CERS6: variants seen among roughly 807,000 people sequenced by gnomAD.
The protein encoded by CERS6 is LAG1 homolog, ceramide synthase 6.
In CERS6, 26 loss-of-function variants were observed where a neutral mutation model predicts 56.8. The ratio of observed to expected loss-of-function variants is 0.46; its 90% CI spans 0.34 to 0.63. The LOEUF is 0.63. Ranked by LOEUF, CERS6 falls within the 30% of genes least tolerant of loss-of-function variation. CERS6 has a pLI of 0.01. For missense variants in CERS6, 415 were observed against 467.5 expected, an observed-to-expected ratio of 0.89 and a Z score of 1.04; for synonymous variants, 164 against 173.3, an observed-to-expected ratio of 0.95 and a Z score of 0.42.
chr2:168,494,926 C>T (rs759180729), intron 1 of CERS6, among the ~76,000 whole-genome samples: 3 of 152,104 alleles, frequency 2.0e-5, no homozygotes, highest in Non-Finnish European at 4.4e-5. Flanking sequence ...GAATGAATCT[C>T]TGGGTTGGCT....
At chr2:168,539,617 A>G (rs1451146852) in intron 1 of CERS6, among the ~76,000 whole-genome samples, 1 of 152,218 alleles carries the variant, frequency 6.6e-6, no homozygotes, top group Non-Finnish European at 1.5e-5. Context: ...GCACATGCAC[A>G]TGTATATGTC....
At chr2:168,676,666 CT>C (rs1219509812) in intron 4 of CERS6, among the ~76,000 whole-genome samples, 5 of 152,188 alleles carry the variant, frequency 3.3e-5, no homozygotes, top group Non-Finnish European at 7.3e-5. Context: ...GTCAGTCATA[CT>C]TTTGTATCAA....
intron 4 of CERS6, among the ~76,000 whole-genome samples, chr2:168,645,691 A>G (rs1685182200): frequency 6.6e-6 from 1 of 151,886 alleles, no homozygotes; most frequent in Non-Finnish European, 1.5e-5. Context: ...CCTTCCTCCC[A>G]CCCACCACCG....
intron 4 of CERS6, among the ~76,000 whole-genome samples, chr2:168,657,490 G>A (rs916771228): frequency 4.6e-5 from 7 of 152,270 alleles, no homozygotes; most frequent in African/African-American, 1.7e-4. Context: ...GGAGCAGGGG[G>A]TGGAGCTCGT....
chr2:168,559,674 G>C (rs968767816), intron 2 of CERS6, among the ~76,000 whole-genome samples: 2 of 140,856 alleles, frequency 1.4e-5, no homozygotes, highest in Middle Eastern at 3.4e-3. Flanking sequence ...TTTGGGGAGC[G>C]CAGCATTCAG....
At chr2:168,654,741 C>T (rs142278332) in intron 4 of CERS6, among the ~76,000 whole-genome samples, 213 of 152,256 alleles carry the variant, frequency 1.4e-3, no homozygotes, top group African/African-American at 5.0e-3. Context: ...CATGACTATT[C>T]GAGTCCTATT....
chr2:168,467,833 A>G (rs1693907658), intron 1 of CERS6, among the ~76,000 whole-genome samples: 1 of 152,194 alleles, frequency 6.6e-6, no homozygotes, highest in Non-Finnish European at 1.5e-5. Context: ...CTGTTCTGTA[A>G]TTTGATTTTC....
chr2:168,533,353 G>A (rs1695201952), intron 1 of CERS6, among the ~76,000 whole-genome samples: 1 of 152,040 alleles, frequency 6.6e-6, no homozygotes, highest in Admixed American at 6.5e-5. Context: ...GGAATAGTTT[G>A]GAATAGTTTG....
intron 4 of CERS6, among the ~76,000 whole-genome samples, chr2:168,690,371 A>G (rs1463354484): frequency 1.3e-5 from 2 of 151,804 alleles, no homozygotes; most frequent in Non-Finnish European, 2.9e-5. Context: ...ATTCATACCA[A>G]CCCCTCCCTG....
rs541821077 is a variant in CERS6, at chr2:168,770,105, G to A, written c.*443G>A. On this transcript the variant is annotated 3_prime_UTR_variant, in exon 10 of 10. Coordinates refer to ENST00000305747, the MANE Select transcript of CERS6 (RefSeq NM_203463.3). ...AAGCAAAACCCAGTGCAAGAGTCTC[G>A]TTCAGCTCTAAATAGGTTTGCTTTC... 92 of 179,730 alleles carry A rather than the reference G, an allele frequency of 5.1e-4. 1 individual carries two copies. The highest frequency in any genetic ancestry group is 2.1e-3 in the African/African-American group (86 of 41,654). 11.1% of individuals were successfully genotyped at this position (179,730 alleles called of 1,614,324 possible).
At chr2:168,459,593 A>G (rs1693741315) in intron 1 of CERS6, among the ~76,000 whole-genome samples, 1 of 151,258 alleles carries the variant, frequency 6.6e-6, no homozygotes, top group Non-Finnish European at 1.5e-5. Context: ...GACCAGGACC[A>G]CTGTAGCGAC....
intron 3 of CERS6, among the ~76,000 whole-genome samples, chr2:168,627,763 G>A (rs556571246): frequency 8.6e-5 from 13 of 150,736 alleles, no homozygotes; most frequent in Admixed American, 1.3e-4. Context: ...TTTTGTCTTT[G>A]ATTATTCTAT....
chr2:168,711,288 A>T (rs1687081980), intron 6 of CERS6, among the ~76,000 whole-genome samples: 1 of 152,214 alleles, frequency 6.6e-6, no homozygotes, highest in African/African-American at 2.4e-5. Context: ...CTAAATAAAG[A>T]GGGTGCATGT....
intron 1 of CERS6, among the ~76,000 whole-genome samples, chr2:168,499,298 C>T (rs1019389119): frequency 9.2e-5 from 14 of 152,114 alleles, no homozygotes; most frequent in Non-Finnish European, 2.1e-4. Context: ...GGCGAGGTTA[C>T]GAAATGGACT....
At chr2:168,542,123 GTTTT>G (rs1553489795) in intron 1 of CERS6, among the ~76,000 whole-genome samples, 10 of 152,084 alleles carry the variant, frequency 6.6e-5, no homozygotes, top group Non-Finnish European at 1.5e-5. Flanking sequence ...GTGTTTGTTT[GTTTT>G]TGTTTGGGTG....
intron 1 of CERS6, among the ~76,000 whole-genome samples, chr2:168,508,141 G>T (rs1694714424): frequency 6.6e-6 from 1 of 152,148 alleles, no homozygotes; most frequent in Non-Finnish European, 1.5e-5. Context: ...GCTGTAAGCT[G>T]GTAAATCCTT....
intron 3 of CERS6, among the ~76,000 whole-genome samples, chr2:168,582,483 C>G (rs1683440387): frequency 6.6e-6 from 1 of 151,774 alleles, no homozygotes; most frequent in Non-Finnish European, 1.5e-5. Flanking sequence ...AAATAGAGAG[C>G]AAGGGGTTTG....
chr2:168,712,745 C>T (rs1427108081), intron 6 of CERS6, among the ~76,000 whole-genome samples: 1 of 152,216 alleles, frequency 6.6e-6, no homozygotes, highest in African/African-American at 2.4e-5. Context: ...CTCACCTCCT[C>T]ACTATTCCTT....
intron 1 of CERS6, among the ~76,000 whole-genome samples, chr2:168,510,345 G>A (rs1292167231): frequency 2.0e-5 from 3 of 152,118 alleles, no homozygotes; most frequent in Non-Finnish European, 4.4e-5. Context: ...ATAAACAGAT[G>A]TACCATCTTT....
Sources: gnomAD v4.1 joint callset for allele counts (sites outside exome capture counted in the v4.1 genomes callset) on GRCh38, gnomAD v4.1.1 for gene constraint, MANE v1.5 for transcripts, NCBI Gene and HGNC (gene_info 2026-07-23, HGNC 2026-07-21) for gene names.